The following MGAT4C variants were observed in gnomAD, a reference collection of about 807,000 sequenced individuals.
The protein encoded by MGAT4C is alpha-1,3-mannosyl-glycoprotein 4-beta-N-acetylglucosaminyltransferase C.
Under a neutral mutation model 40.1 loss-of-function variants are expected in MGAT4C, and 19 were observed. The ratio of observed to expected loss-of-function variants is 0.47; its 90% CI spans 0.33 to 0.70. The LOEUF (loss-of-function observed/expected upper bound fraction) is 0.70. MGAT4C is among the 30% of genes least tolerant of loss of function. MGAT4C has a pLI of 0.02. For synonymous variants in MGAT4C, 181 were observed against 187.1 expected (o/e 0.97, Z 0.27); for missense variants, 491 against 563.2 (o/e 0.87, Z 1.30).
At chr12:86,154,481 G>C (rs976456029) in intron 1 of MGAT4C, among the ~76,000 whole-genome samples, 1 of 152,048 alleles carries the variant, frequency 6.6e-6, no homozygotes, top group African/African-American at 2.4e-5. Flanking sequence ...TTTGAGCCTT[G>C]GTGAATCCTA....
At chr12:86,154,731 T>C (rs78621035) in intron 1 of MGAT4C, among the ~76,000 whole-genome samples, 3,903 of 152,318 alleles carry the variant, frequency 0.026, 81 homozygotes, top group Non-Finnish European at 0.043. Flanking sequence ...CCAACCATTT[T>C]CTGCATCAAG....
intron 2 of MGAT4C, among the ~76,000 whole-genome samples, chr12:86,606,090 A>G (rs1329290679): frequency 6.6e-6 from 1 of 151,866 alleles, no homozygotes; most frequent in African/African-American, 2.4e-5. Context: ...TTATAAAACC[A>G]TTAGATCTCG....
intron 1 of MGAT4C, among the ~76,000 whole-genome samples, chr12:86,759,767 C>A (rs537193089): frequency 3.9e-5 from 6 of 152,072 alleles, no homozygotes; most frequent in Non-Finnish European, 8.8e-5. Flanking sequence ...ATTTGACTTC[C>A]TTATATATTG....
At chr12:86,770,017 A>G (rs1951601195) in intron 1 of MGAT4C, among the ~76,000 whole-genome samples, 2 of 151,726 alleles carry the variant, frequency 1.3e-5, no homozygotes, top group Non-Finnish European at 2.9e-5. Context: ...TATAATAATA[A>G]TAAAATAAAA....
At chr12:86,056,679 T>C (rs1893432855) in intron 1 of MGAT4C, among the ~76,000 whole-genome samples, 1 of 152,204 alleles carries the variant, frequency 6.6e-6, no homozygotes, top group Non-Finnish European at 1.5e-5. Context: ...TTGTGAATAG[T>C]GCTGCAATAA....
At chr12:86,797,736 C>T (rs1217751529) in intron 1 of MGAT4C, among the ~76,000 whole-genome samples, 4 of 151,870 alleles carry the variant, frequency 2.6e-5, no homozygotes, top group Non-Finnish European at 5.9e-5. Context: ...TGTAACTTGT[C>T]CTGAAATAGC....
intron 1 of MGAT4C, among the ~76,000 whole-genome samples, chr12:86,742,782 AG>A (rs1246808935): frequency 6.7e-6 from 1 of 149,574 alleles, no homozygotes; most frequent in Non-Finnish European, 1.5e-5. Flanking sequence ...ATGAAAAGAT[AG>A]GAACCATCTT....
intron 2 of MGAT4C, among the ~76,000 whole-genome samples, chr12:86,567,355 T>C (rs574423845): frequency 9.2e-5 from 14 of 152,144 alleles, no homozygotes; most frequent in Non-Finnish European, 1.8e-4. Context: ...AAACAGGAAG[T>C]TAAGATTGCC....
intron 1 of MGAT4C, among the ~76,000 whole-genome samples, chr12:86,728,196 T>A (rs1197504449): frequency 1.3e-5 from 2 of 152,214 alleles, no homozygotes; most frequent in Non-Finnish European, 2.9e-5. Context: ...TTGTATTACA[T>A]AAATTAATAA....
At chr12:86,089,887 T>G (rs972353836) in intron 1 of MGAT4C, among the ~76,000 whole-genome samples, 3 of 151,814 alleles carry the variant, frequency 2.0e-5, no homozygotes, top group Non-Finnish European at 4.4e-5. Context: ...TTCATTTCTT[T>G]GATAACAGGT....
At chr12:86,464,770 T>C (rs1957655359) in intron 2 of MGAT4C, among the ~76,000 whole-genome samples, 1 of 152,152 alleles carries the variant, frequency 6.6e-6, no homozygotes, top group Non-Finnish European at 1.5e-5. Context: ...AGTATATTAA[T>C]ATTTCTATAT....
intron 2 of MGAT4C, among the ~76,000 whole-genome samples, chr12:86,043,784 AT>A (rs1390668792): frequency 2.0e-5 from 3 of 152,108 alleles, no homozygotes; most frequent in Non-Finnish European, 2.9e-5. Context: ...GTCTCTTTAC[AT>A]TTTTGTATCA....
At chr12:86,820,077 T>A (rs1405401128) in intron 1 of MGAT4C, among the ~76,000 whole-genome samples, 1 of 150,772 alleles carries the variant, frequency 6.6e-6, no homozygotes, top group African/African-American at 2.4e-5. Flanking sequence ...AAGCAAATAT[T>A]ACAAAAAATA....
intron 4 of MGAT4C, among the ~76,000 whole-genome samples, chr12:86,310,938 C>CA (rs990057936): frequency 3.9e-5 from 6 of 152,228 alleles, no homozygotes; most frequent in South Asian, 2.1e-4. Context: ...AACAAACAAA[C>CA]AAAAAAACAA....
At chr12:86,191,981 A>C (rs549997283) in intron 1 of MGAT4C, among the ~76,000 whole-genome samples, 34 of 150,064 alleles carry the variant, frequency 2.3e-4, no homozygotes, top group African/African-American at 8.3e-4. Context: ...ATTCTCAGCA[A>C]ACTATCCCAG....
intron 1 of MGAT4C, among the ~76,000 whole-genome samples, chr12:86,216,377 T>C (rs1445603209): frequency 1.3e-5 from 2 of 152,118 alleles, no homozygotes; most frequent in African/African-American, 4.8e-5. Flanking sequence ...AGAAGGCAAA[T>C]GAAGAAAATC....
chr12:86,707,417 G>A (rs181205171), intron 2 of MGAT4C, among the ~76,000 whole-genome samples: 2 of 152,194 alleles, frequency 1.3e-5, no homozygotes, highest in African/African-American at 4.8e-5. Flanking sequence ...GGTGATTCTA[G>A]TTATGTTTTA....
chr12:86,436,623 T>A (rs1374618877), intron 2 of MGAT4C, among the ~76,000 whole-genome samples: 1 of 151,720 alleles, frequency 6.6e-6, no homozygotes, highest in African/African-American at 2.4e-5. Flanking sequence ...ACTCAAAGGA[T>A]AAGGACTTGA....
intron 2 of MGAT4C, among the ~76,000 whole-genome samples, chr12:86,642,112 A>G (rs567889823): frequency 1.0e-3 from 153 of 151,964 alleles, no homozygotes; most frequent in African/African-American, 3.4e-3. Flanking sequence ...TGTTCCTACA[A>G]ATTGGAGGAG....
Sources: allele counts gnomAD v4.1 joint callset (sites outside exome capture counted in the v4.1 genomes callset), GRCh38; gene constraint gnomAD v4.1.1; transcripts MANE v1.5; gene names NCBI Gene and HGNC (gene_info 2026-07-23, HGNC 2026-07-21).